ARHGAP8: variants seen among roughly 807,000 people sequenced by gnomAD.
ARHGAP8 encodes the protein rho GTPase-activating protein 8.
In ARHGAP8, 62 loss-of-function variants were observed where a neutral mutation model predicts 46.1. The ratio of observed to expected loss-of-function variants is 1.34; its 90% CI spans 1.10 to 1.66. ARHGAP8 has a LOEUF of 1.66. Ranked by LOEUF, ARHGAP8 falls within the 40% of genes most tolerant of loss-of-function variation. The probability of loss-of-function intolerance (pLI) is 0.00; values close to 1 mark genes in which losing one functional copy is unlikely to be tolerated. For missense variants in ARHGAP8, 923 were observed against 568.4 expected, an observed-to-expected ratio of 1.62 and a Z score of -6.34; for synonymous variants, 375 against 243.1, an observed-to-expected ratio of 1.54 and a Z score of -5.05.
intron 1 of ARHGAP8, among the ~76,000 whole-genome samples, chr22:44,778,237 A>G (rs1005785766): frequency 6.6e-6 from 1 of 151,778 alleles, no homozygotes; most frequent in African/African-American, 2.4e-5. Context: ...ATGCCTTTGC[A>G]TCCTCATAGC....
At chr22:44,835,950 G>T (rs1171094003) in intron 7 of ARHGAP8, among the ~76,000 whole-genome samples, 1 of 152,232 alleles carries the variant, frequency 6.6e-6, no homozygotes, top group African/African-American at 2.4e-5. Context: ...TTCTCTTTGC[G>T]ATCGGCCTCC....
At chr22:44,764,827 G>A (rs964716393) in intron 1 of ARHGAP8, among the ~76,000 whole-genome samples, 1 of 152,214 alleles carries the variant, frequency 6.6e-6, no homozygotes, top group South Asian at 2.1e-4. Flanking sequence ...ACGTGTCCCT[G>A]CGAGAGGGAG....
At chr22:44,795,102 C>T (rs1199555156) in intron 2 of ARHGAP8, among the ~76,000 whole-genome samples, 1 of 151,734 alleles carries the variant, frequency 6.6e-6, no homozygotes, top group African/African-American at 2.4e-5. Context: ...AAATTAGTTG[C>T]CCTTCTGGTT....
At chr22:44,860,846 C>T (rs980251669) in intron 11 of ARHGAP8, among the ~76,000 whole-genome samples, 1 of 152,188 alleles carries the variant, frequency 6.6e-6, no homozygotes, top group Non-Finnish European at 1.5e-5. Flanking sequence ...TCTCTCCAGG[C>T]CTTCGCCCCA....
Position 44,862,444 on chromosome 22 carries a change from C to T in ARHGAP8, c.1151C>T (p.Pro384Leu), listed in dbSNP as rs2071762. Residue 384 changes from proline to leucine, a missense_variant, in exon 12 of 12, where the codon CCG becomes CTG. Coordinates refer to ENST00000356099, the MANE Select transcript of ARHGAP8 (RefSeq NM_181335.3). ...TACTATGAAAAGATCTTCAGCACCCCGGAGGCACCTGGGGAGCACGGCCTG... is the reference window on the plus strand; with the variant it reads ...TACTATGAAAAGATCTTCAGCACCCTGGAGGCACCTGGGGAGCACGGCCTG... ...IEYYEKIFST[P>L]EAPGEHGLAP... is the part of the protein sequence containing the mutation. The T allele has an allele frequency of 0.18, 292,186 of 1,613,874 alleles. 29,427 individuals carry two copies. Among genetic ancestry groups the T allele is most frequent in the East Asian group, 0.37 (16,676 of 44,842 alleles).
intron 11 of ARHGAP8, among the ~76,000 whole-genome samples, chr22:44,860,982 G>A (rs1306365808): frequency 7.3e-6 from 1 of 137,250 alleles, no homozygotes; most frequent in Non-Finnish European, 1.6e-5. Flanking sequence ...TTTCTCAGAG[G>A]CCCAAAACTA....
chr22:44,858,123 C>G (rs1039993978), intron 10 of ARHGAP8, among the ~76,000 whole-genome samples: 1 of 152,178 alleles, frequency 6.6e-6, no homozygotes, highest in African/African-American at 2.4e-5. Context: ...GGAATAATGG[C>G]TTTTATTAAG....
chr22:44,764,744 G>C (rs1302139637), intron 1 of ARHGAP8, among the ~76,000 whole-genome samples: 9 of 152,264 alleles, frequency 5.9e-5, no homozygotes, highest in Admixed American at 5.9e-4. Context: ...AGAAACCTGA[G>C]TGTGCGGAAA....
Position 44,802,147 on chromosome 22 carries a change from C to A in ARHGAP8, c.150C>A (p.Asp50Glu), listed in dbSNP as rs746159688. 3 of 1,614,038 alleles carry A rather than the reference C, an allele frequency of 1.9e-6. No individual in the cohort carries two copies. The South Asian group carries it at 3.3e-5, about 18-fold the overall frequency. ...GGATGCCACCCTCCCACGAGCTGGA[C>A]CACCAGCGGCTGCTGGAGTAAGTGT... The part of the protein sequence containing the change: ...CCRMPPSHEL[D>E]HQRLLEYLKY... Residue 50 changes from aspartate to glutamate, a missense_variant, in exon 3 of 12, where the codon GAC (aspartate) becomes GAA (glutamate). Coordinates refer to ENST00000356099, the MANE Select transcript of ARHGAP8 (RefSeq NM_181335.3).
intron 1 of ARHGAP8, among the ~76,000 whole-genome samples, chr22:44,778,041 T>TA (rs1296956989): frequency 1.3e-5 from 2 of 151,482 alleles, no homozygotes; most frequent in East Asian, 3.9e-4. Context: ...TTTATTTATT[T>TA]ATTTCCATAG....
At chr22:44,758,931 G>A (rs1424521102) in intron 1 of ARHGAP8, among the ~76,000 whole-genome samples, 1 of 152,200 alleles carries the variant, frequency 6.6e-6, no homozygotes, top group Non-Finnish European at 1.5e-5. Context: ...TGGAGGACAC[G>A]GATTTACCAT....
intron 1 of ARHGAP8, among the ~76,000 whole-genome samples, chr22:44,759,111 C>G (rs1271452335): frequency 2.6e-5 from 4 of 152,192 alleles, no homozygotes; most frequent in Non-Finnish European, 5.9e-5. Context: ...GTGGGTGGAA[C>G]CAGGCCACGC....
rs542654729 is a variant in ARHGAP8, at chr22:44,808,414, G to A, written c.275G>A (p.Ser92Asn). 4 of 1,614,236 alleles carry A rather than the reference G, an allele frequency of 2.5e-6. No homozygotes were observed. The highest frequency in any genetic ancestry group is 3.3e-5 in the Admixed American group (2 of 60,020). The stretch of plus-strand genomic sequence containing the variant: ...AAGCCTTCCCTGGGCTGGCTCCAGA[G>A]CGCATACAAGGAGTTCGATAGGAAG... ...RNKPSLGWLQ[S>N]AYKEFDRKYK... Residue 92 changes from serine to asparagine, a missense_variant, in exon 4 of 12, where the codon AGC becomes AAC. By Grantham distance (46) the Ser-to-Asn change is conservative (BLOSUM62 1). Transcript: ENST00000356099.
intron 1 of ARHGAP8, among the ~76,000 whole-genome samples, chr22:44,764,475 C>T (rs1368945051): frequency 2.6e-5 from 4 of 152,274 alleles, no homozygotes; most frequent in African/African-American, 7.2e-5. Flanking sequence ...GTGGCGCGTG[C>T]GACGGTGGTT....
intron 7 of ARHGAP8, among the ~76,000 whole-genome samples, chr22:44,833,038 C>T (rs193069093): frequency 5.3e-4 from 81 of 151,776 alleles, no homozygotes; most frequent in African/African-American, 1.8e-3. Context: ...TAGCTGTGTG[C>T]ATTTCATAGA....
chr22:44,779,564 A>ATTTTTTTTTT (rs132489), intron 1 of ARHGAP8, among the ~76,000 whole-genome samples: 1 of 126,266 alleles, frequency 7.9e-6, no homozygotes, highest in Non-Finnish European at 1.6e-5. Flanking sequence ...CAGTTTGAGG[A>ATTTTTTTTTT]TTTTTTTTTT....
chr22:44,796,556 C>T (rs1253139156), intron 2 of ARHGAP8, among the ~76,000 whole-genome samples: 1 of 151,002 alleles, frequency 6.6e-6, no homozygotes, highest in Non-Finnish European at 1.5e-5. Context: ...TCCCATCAAT[C>T]CCACTGAAGA....
At chr22:44,822,163 G>T (rs569240502) in intron 5 of ARHGAP8, among the ~76,000 whole-genome samples, 101 of 152,172 alleles carry the variant, frequency 6.6e-4, no homozygotes, top group Non-Finnish European at 1.3e-3. Flanking sequence ...AGCGTGTTTG[G>T]TGCATTGGAG....
rs546210977 is a variant in ARHGAP8 at position 44,858,063 on chromosome 22, CA to C, written c.878-1666del. On this transcript the variant is annotated intron_variant, in intron 10 of 11. Coordinates refer to ENST00000356099, the MANE Select transcript of ARHGAP8 (RefSeq NM_181335.3). ...CCTGGCTCGGTTGAAATACTCATTT[CA>C]AGGGAATTCCTTGTCCATTCAAATG... 7.4e-4 allele frequency among the ~76,000 whole-genome samples: 112 copies of C among 152,314 alleles called. 1 individual carries two copies. The highest frequency in any genetic ancestry group is 2.5e-3 in the African/African-American group (104 of 41,568).
Sources: gnomAD v4.1 joint callset for allele counts (sites outside exome capture counted in the v4.1 genomes callset) on GRCh38, gnomAD v4.1.1 for gene constraint, MANE v1.5 for transcripts, NCBI Gene and HGNC (gene_info 2026-07-23, HGNC 2026-07-21) for gene names.